The following PIK3C2G variants were observed in gnomAD, a reference collection of about 807,000 sequenced individuals.
The protein encoded by PIK3C2G is phosphatidylinositol 3-kinase C2 domain-containing subunit gamma.
Under a neutral mutation model 181.1 loss-of-function variants are expected in PIK3C2G, and 168 were observed. The ratio of observed to expected loss-of-function variants is 0.93; its 90% CI spans 0.82 to 1.05. PIK3C2G has a LOEUF of 1.05. Among genes scored for constraint, PIK3C2G ranks in the 50% least tolerant of loss-of-function variants. The pLI, the probability that PIK3C2G is intolerant of heterozygous loss-of-function variation, is 0.00. For synonymous variants in PIK3C2G, 573 were observed against 592.2 expected, an observed-to-expected ratio of 0.97 and a Z score of 0.47; for missense variants, 1,869 against 1,732.8, an observed-to-expected ratio of 1.08 and a Z score of -1.40.
rs185057460 is a variant in PIK3C2G at position 18,533,109 on chromosome 12, C to A, written c.3324-5047C>A. ...TTATGTTTGCTTTGTATATAATTTC[C>A]AGAGTTCTTAATATACTCAGTGGGA... On this transcript the variant is annotated intron_variant, in intron 24 of 32. Coordinates refer to ENST00000538779, the MANE Select transcript of PIK3C2G (RefSeq NM_001288772.2). Among the ~76,000 whole-genome samples, 921 of 152,096 alleles carry A rather than the reference C, an allele frequency of 6.1e-3. 2 individuals carry two copies. The highest frequency in any genetic ancestry group is 0.01 in the Middle Eastern group (3 of 294).
chr12:18,622,710 G>A (rs1427489571), intron 31 of PIK3C2G, among the ~76,000 whole-genome samples: 5 of 151,490 alleles, frequency 3.3e-5, no homozygotes, highest in Non-Finnish European at 7.4e-5. Context: ...CATTCTTGTC[G>A]ATAATTGTCT....
At chr12:18,454,331 A>G (rs1592299810) in intron 18 of PIK3C2G, among the ~76,000 whole-genome samples, 2 of 152,196 alleles carry the variant, frequency 1.3e-5, no homozygotes, top group African/African-American at 2.4e-5. Flanking sequence ...TTTTAGATAA[A>G]TCACCTGGGG....
In PIK3C2G at chr12:18,399,676, A is replaced by G. The variant is rs765719383; in HGVS notation, c.2144A>G (p.Lys715Arg). The stretch of plus-strand genomic sequence containing the variant: ...TTTTTCAGACTCTCTGAAGAAAAGA[A>G]AAGATATTTATGGTTTTATCGCTTC... ...QTPLLLSEEK[K>R]RYLWFYRFYC... The change falls in exon 16 of 33, where the codon AAA becomes AGA. Residue 715 changes from lysine (K) to arginine (R), a missense_variant. Physicochemically the swap from Lys to Arg is conservative, Grantham distance 26. Transcript: ENST00000538779. 6.4e-7 allele frequency: 1 copy of G among 1,565,558 alleles called. No individual in the cohort carries two copies. The highest frequency in any genetic ancestry group is 1.7e-5 in the Admixed American group (1 of 57,876).
At chr12:18,250,565 T>C (rs747460448) in intron 1 of PIK3C2G, among the ~76,000 whole-genome samples, 35 of 152,118 alleles carry the variant, frequency 2.3e-4, no homozygotes, top group Admixed American at 5.2e-4. Flanking sequence ...AAAGCAGATA[T>C]TCCCTTCATT....
chr12:18,502,988 C>T (rs1258330361), intron 22 of PIK3C2G, among the ~76,000 whole-genome samples: 1 of 152,194 alleles, frequency 6.6e-6, no homozygotes, highest in African/African-American at 2.4e-5. Flanking sequence ...AATTAATTCA[C>T]TACTCAGTGG....
At chr12:18,423,494 GTT>G (rs767606008) in intron 17 of PIK3C2G, among the ~76,000 whole-genome samples, 41 of 152,258 alleles carry the variant, frequency 2.7e-4, no homozygotes, top group Middle Eastern at 3.4e-3. Context: ...GTAACAGTCA[GTT>G]TTGAAATTTT....
At chr12:18,610,706 C>T (rs1326151037) in intron 31 of PIK3C2G, among the ~76,000 whole-genome samples, 1 of 151,894 alleles carries the variant, frequency 6.6e-6, no homozygotes, top group Non-Finnish European at 1.5e-5. Context: ...CCTTACATTG[C>T]AAAATGAAGA....
At chr12:18,449,444 C>T (rs1388819886) in intron 18 of PIK3C2G, among the ~76,000 whole-genome samples, 3 of 151,946 alleles carry the variant, frequency 2.0e-5, no homozygotes, top group Non-Finnish European at 4.4e-5. Flanking sequence ...TAATGCTCTC[C>T]CTCCCCTTGC....
chr12:18,561,892 G>A (rs1945363846), intron 26 of PIK3C2G, among the ~76,000 whole-genome samples: 1 of 151,108 alleles, frequency 6.6e-6, no homozygotes, highest in African/African-American at 2.4e-5. Context: ...TTTAAAGATA[G>A]AAAAACATAA....
chr12:18,557,383 C>T (rs1008302888), intron 26 of PIK3C2G, among the ~76,000 whole-genome samples: 1 of 151,798 alleles, frequency 6.6e-6, no homozygotes, highest in East Asian at 1.9e-4. Context: ...ATTTAAGACT[C>T]AGTACTTTAA....
intron 18 of PIK3C2G, among the ~76,000 whole-genome samples, chr12:18,481,661 A>T (rs150319831): frequency 6.6e-6 from 1 of 152,266 alleles, no homozygotes; most frequent in East Asian, 1.9e-4. Flanking sequence ...TTTTAAATAC[A>T]ATTCATTGCT....
intron 30 of PIK3C2G, among the ~76,000 whole-genome samples, chr12:18,602,628 C>T (rs555221189): frequency 6.6e-6 from 1 of 152,218 alleles, no homozygotes; most frequent in South Asian, 2.1e-4. Flanking sequence ...CTATTCCACC[C>T]TCTGCCACCT....
intron 32 of PIK3C2G, among the ~76,000 whole-genome samples, chr12:18,643,688 G>T (rs1949960446): frequency 6.6e-6 from 1 of 151,202 alleles, no homozygotes; most frequent in Non-Finnish European, 1.5e-5. Flanking sequence ...CAAACTCCTC[G>T]ATCACTTGTG....
intron 24 of PIK3C2G, among the ~76,000 whole-genome samples, chr12:18,530,576 A>G (rs1943495809): frequency 6.6e-6 from 1 of 152,128 alleles, no homozygotes; most frequent in Admixed American, 6.6e-5. Flanking sequence ...TTACTTGATA[A>G]GATCAACAAT....
chr12:18,431,916 G>T (rs1946181307), intron 18 of PIK3C2G, among the ~76,000 whole-genome samples: 1 of 152,158 alleles, frequency 6.6e-6, no homozygotes, highest in Non-Finnish European at 1.5e-5. Flanking sequence ...TAAACCAAAA[G>T]CAACTGTTCT....
In PIK3C2G at chr12:18,282,673, G is replaced by A. The variant is rs1293839379; in HGVS notation, c.592G>A (p.Val198Met). 5.0e-6 allele frequency: 8 copies of A among 1,613,404 alleles called. No homozygotes were observed. Among genetic ancestry groups the A allele is most frequent in the East Asian group, 2.2e-5 (1 of 44,878 alleles). ...AGAAGAGAATAAAAGGAGTGGACAT[G>A]TGAACATTGTGGAACCATCTTTGAT... ...PKEENKRSGH[V>M]NIVEPSLMLL... Residue 198 changes from valine (V) to methionine (M), a missense_variant, in exon 2 of 33, where the codon GTG becomes ATG. Val to Met is a conservative substitution (Grantham distance 21). Transcript: ENST00000538779.
intron 32 of PIK3C2G, among the ~76,000 whole-genome samples, chr12:18,646,699 A>C (rs971655793): frequency 6.6e-6 from 1 of 152,170 alleles, no homozygotes; most frequent in Non-Finnish European, 1.5e-5. Flanking sequence ...GCAAGTTTGT[A>C]GCAGCATATG....
At chr12:18,245,824 A>AT (rs1318077302), upstream of PIK3C2G, among the ~76,000 whole-genome samples, 1 of 151,960 alleles carries the variant, frequency 6.6e-6, no homozygotes, top group Non-Finnish European at 1.5e-5. Flanking sequence ...TCATTACCAT[A>AT]TTTTTTTATT....
chr12:18,475,173 G>T (rs1938850173), intron 18 of PIK3C2G, among the ~76,000 whole-genome samples: 2 of 152,038 alleles, frequency 1.3e-5, no homozygotes, highest in Non-Finnish European at 2.9e-5. Context: ...GGTAGATATT[G>T]CCACCTTTTT....
Sources: gnomAD v4.1 joint callset for allele counts (sites outside exome capture counted in the v4.1 genomes callset) on GRCh38, gnomAD v4.1.1 for gene constraint, MANE v1.5 for transcripts, NCBI Gene and HGNC (gene_info 2026-07-23, HGNC 2026-07-21) for gene names.